The following IGSF11 variants were observed in gnomAD, a reference collection of about 807,000 sequenced individuals.
IGSF11 encodes the protein CXADR like 1.
A neutral mutation model predicts 41.0 loss-of-function variants in IGSF11; 22 were observed. That is an observed-to-expected ratio of 0.54 (90% CI 0.38 to 0.77). IGSF11 has a LOEUF of 0.77. Ranked by LOEUF, IGSF11 falls within the 30% of genes least tolerant of loss-of-function variation. The probability of loss-of-function intolerance (pLI) is 0.00; values close to 1 mark genes in which losing one functional copy is unlikely to be tolerated. For synonymous variants in IGSF11, 219 were observed against 201.3 expected (o/e 1.09, Z -0.74); for missense variants, 444 against 530.8 (o/e 0.84, Z 1.61).
Position 118,914,103 on chromosome 3 carries a change from A to G in IGSF11, c.581-8385T>C, listed in dbSNP as rs566136947. 4.6e-5 allele frequency among the ~76,000 whole-genome samples: 7 copies of G among 152,334 alleles called. No homozygotes were observed. The South Asian group carries it at 1.4e-3, about 32-fold the overall frequency. ...CATTAAATCAAGTATGCATTTGAGA[A>G]CTTTAAGAATAAGCACGAAGAGAAA... is the stretch of plus-strand genomic sequence containing the variant. On this transcript the variant is annotated intron_variant, in intron 4 of 6. Coordinates refer to ENST00000393775, the MANE Select transcript of IGSF11 (RefSeq NM_001015887.3).
chr3:119,025,461 G>C (rs1489629291), intron 1 of IGSF11, among the ~76,000 whole-genome samples: 1 of 145,010 alleles, frequency 6.9e-6, no homozygotes, highest in African/African-American at 2.5e-5. Flanking sequence ...CTGAGCACTT[G>C]CTGTATGTCA....
At chr3:119,056,433 A>G (rs146107531) in intron 1 of IGSF11, among the ~76,000 whole-genome samples, 8,309 of 152,298 alleles carry the variant, frequency 0.055, 307 homozygotes, top group South Asian at 0.082. Flanking sequence ...AAGAAGTTGA[A>G]TCTCTGAATA....
chr3:119,045,099 T>A (rs548820945), intron 1 of IGSF11, among the ~76,000 whole-genome samples: 1 of 152,078 alleles, frequency 6.6e-6, no homozygotes, highest in African/African-American at 2.4e-5. Flanking sequence ...ACTTAAAAAA[T>A]AGAGAATGGC....
chr3:118,915,935 G>C (rs1021172231), intron 4 of IGSF11, among the ~76,000 whole-genome samples: 2 of 122,180 alleles, frequency 1.6e-5, no homozygotes, highest in African/African-American at 8.4e-5. Context: ...AGCCAGAAGA[G>C]AGTGGGGGCC....
chr3:119,124,533 T>C (rs1025593917), intron 1 of IGSF11, among the ~76,000 whole-genome samples: 4 of 151,196 alleles, frequency 2.6e-5, no homozygotes, highest in Non-Finnish European at 5.9e-5. Flanking sequence ...AACATGGTCA[T>C]CAGAGTCTTT....
rs190807964 is a variant in IGSF11, at chr3:119,112,896, A to C, written c.-13-7691T>G. On this transcript the variant is annotated intron_variant, in intron 1 of 7. Coordinates refer to the IGSF11 transcript ENST00000425327. ...TCGCTCACAGTTCTGCAGGATGTAC[A>C]GAAAGCATGGCAGAGGAGGCCTCAG... 1.6e-3 allele frequency: 251 copies of C among 152,530 alleles called. 2 individuals carry two copies. Among genetic ancestry groups the C allele is most frequent in the South Asian group, 0.016 (78 of 4,830 alleles). 9.4% of individuals were successfully genotyped at this position (152,530 alleles called of 1,614,324 possible).
At chr3:118,914,537 G>C (rs368415246) in intron 4 of IGSF11, among the ~76,000 whole-genome samples, 1 of 151,814 alleles carries the variant, frequency 6.6e-6, no homozygotes, top group South Asian at 2.1e-4. Flanking sequence ...CGAATATGGC[G>C]CTTTTCAGAC....
At chr3:119,011,945 C>CTCTGTG (rs144200736) in intron 1 of IGSF11, among the ~76,000 whole-genome samples, 3,406 of 148,562 alleles carry the variant, frequency 0.023, 134 homozygotes, top group African/African-American at 0.076. Flanking sequence ...ATATAGTGTT[C>CTCTGTG]TGTGTGTGTG....
chr3:118,921,199 T>G (rs1349256732), intron 4 of IGSF11, among the ~76,000 whole-genome samples: 2 of 152,214 alleles, frequency 1.3e-5, no homozygotes, highest in East Asian at 3.9e-4. Context: ...ATTTGCTGAT[T>G]ATATTCCATC....
chr3:119,073,418 G>A (rs879767991), intron 1 of IGSF11, among the ~76,000 whole-genome samples: 2 of 152,192 alleles, frequency 1.3e-5, no homozygotes, highest in Admixed American at 6.5e-5. Context: ...GCCCTTGGGC[G>A]ATCGATGGGG....
intron 1 of IGSF11, among the ~76,000 whole-genome samples, chr3:119,059,291 T>G (rs1254043330): frequency 6.6e-6 from 1 of 152,056 alleles, no homozygotes; most frequent in African/African-American, 2.4e-5. Context: ...AGACCATTAT[T>G]CTATGTGAAG....
intron 1 of IGSF11, among the ~76,000 whole-genome samples, chr3:119,071,688 A>AT (rs1183962644): frequency 6.6e-6 from 1 of 152,226 alleles, no homozygotes; most frequent in African/African-American, 2.4e-5. Flanking sequence ...ATTGATCTAT[A>AT]TGTCCATCAT....
At chr3:119,048,662 T>C (rs956754054) in intron 1 of IGSF11, among the ~76,000 whole-genome samples, 3 of 151,918 alleles carry the variant, frequency 2.0e-5, no homozygotes, top group African/African-American at 4.8e-5. Context: ...CCAGCATCAT[T>C]CTGATACCAA....
intron 1 of IGSF11, among the ~76,000 whole-genome samples, chr3:119,117,999 C>T (rs1399085780): frequency 6.6e-6 from 1 of 152,220 alleles, no homozygotes; most frequent in Non-Finnish European, 1.5e-5. Context: ...GACAGCTCTG[C>T]CCTTGTGGCT....
intron 1 of IGSF11, among the ~76,000 whole-genome samples, chr3:118,983,109 A>G (rs1006457256): frequency 6.6e-6 from 1 of 152,242 alleles, no homozygotes; most frequent in Admixed American, 6.5e-5. Flanking sequence ...CTGGCTCTAA[A>G]GATGAAAACA....
chr3:118,903,322 A>G (rs891818249), intron 6 of IGSF11, among the ~76,000 whole-genome samples: 1 of 151,860 alleles, frequency 6.6e-6, no homozygotes, highest in East Asian at 1.9e-4. Context: ...ATCTTGCTTT[A>G]TATATATAGT....
intron 1 of IGSF11, among the ~76,000 whole-genome samples, chr3:119,055,406 A>G (rs1021580959): frequency 3.3e-5 from 5 of 152,212 alleles, no homozygotes; most frequent in Admixed American, 3.3e-4. Flanking sequence ...GATCAATTCA[A>G]CAAGAAGAGC....
intron 1 of IGSF11, among the ~76,000 whole-genome samples, chr3:119,051,445 T>C (rs990048400): frequency 6.6e-6 from 1 of 152,110 alleles, no homozygotes; most frequent in Non-Finnish European, 1.5e-5. Flanking sequence ...TAAATATACA[T>C]GCACCTAACA....
At chr3:118,922,827 T>G (rs1201474415) in intron 4 of IGSF11, among the ~76,000 whole-genome samples, 1 of 152,158 alleles carries the variant, frequency 6.6e-6, no homozygotes, top group Non-Finnish European at 1.5e-5. Context: ...TGATGTCTTC[T>G]TGCTGTGCCC....
Sources: allele counts gnomAD v4.1 joint callset (sites outside exome capture counted in the v4.1 genomes callset), GRCh38; gene constraint gnomAD v4.1.1; transcripts MANE v1.5; gene names NCBI Gene and HGNC (gene_info 2026-07-23, HGNC 2026-07-21).